The following GAL3ST1 variants were observed in gnomAD, a reference collection of about 807,000 sequenced individuals.
GAL3ST1 encodes galactose-3-O-sulfotransferase 1.
GAL3ST1 carries 13 observed loss-of-function variants against 25.0 expected under a neutral mutation model. The ratio of observed to expected loss-of-function variants is 0.52; its 90% confidence interval spans 0.34 to 0.83. The LOEUF (loss-of-function observed/expected upper bound fraction) is 0.83. GAL3ST1 is among the 40% of genes least tolerant of loss of function. The probability of loss-of-function intolerance (pLI) is 0.02; values close to 1 mark genes in which losing one functional copy is unlikely to be tolerated. For missense variants in GAL3ST1, 474 were observed against 613.6 expected (o/e 0.77, Z 2.40); for synonymous variants, 274 against 277.8 (o/e 0.99, Z 0.14).
intron 3 of GAL3ST1, 66 bp from the exon 4 acceptor site, chr22:30,556,159 T>TA (rs1447547387): frequency 7.9e-7 from 1 of 1,272,310 alleles, no homozygotes; most frequent in East Asian, 2.3e-5. Context: ...CTCTGGTAGT[T>TA]AGAGAGGGAG....
At chr22:30,562,496 G>C (rs559251684) in intron 1 of GAL3ST1, among the ~76,000 whole-genome samples, 1 of 152,242 alleles carries the variant, frequency 6.6e-6, no homozygotes, top group South Asian at 2.1e-4. Flanking sequence ...GATAATGCAC[G>C]TACCCAGGAG....
chr22:30,558,146 A>C (rs940849911), intron 2 of GAL3ST1, 133 bp downstream of exon 2: 2 of 151,850 alleles, frequency 1.3e-5, no homozygotes, highest in Admixed American at 6.5e-5. Context: ...CACACCTGTC[A>C]TCCCAGCACT....
At chr22:30,572,822 G>A (rs1047552088) in intron 1 of GAL3ST1, 1 of 152,294 alleles carries the variant, frequency 6.6e-6, no homozygotes, top group African/African-American at 2.4e-5. Context: ...GTGAAGCAAG[G>A]AGCCCTTCAG....
Position 30,555,115 on chromosome 22 carries a change from G to A in GAL3ST1, c.1110C>T (p.Thr370=). Residue 370 remains threonine (T), a synonymous_variant, in exon 4 of 4, where the codon ACC becomes ACT. Transcript: ENST00000406361. The surrounding 1 kb of genome is among the most constrained non-coding windows in gnomAD (Gnocchi z 8.6). ...TGAGGTTGTAGCCCAGGATGGACTTGGTGCCCAGCGGCTGCCAGGGCTGCA... is the reference window on the plus strand; with the variant it reads ...TGAGGTTGTAGCCCAGGATGGACTTAGTGCCCAGCGGCTGCCAGGGCTGCA... ...EAMQPWQPLG[T]KSILGYNLKK... 6.2e-7 allele frequency: 1 copy of A among 1,611,872 alleles called. No homozygotes were observed. The highest frequency in any genetic ancestry group is 1.1e-5 in the South Asian group (1 of 91,066).
chr22:30,568,323 C>T (rs781567886), intron 1 of GAL3ST1, among the ~76,000 whole-genome samples: 1 of 152,196 alleles, frequency 6.6e-6, no homozygotes, highest in Non-Finnish European at 1.5e-5. Flanking sequence ...ATTTCCCATG[C>T]GCCCTTGCAG....
chr22:30,556,234 T>A, intron 3 of GAL3ST1, 141 bp from the exon 4 acceptor site: 1 of 690,292 alleles, frequency 1.4e-6, no homozygotes, highest in Non-Finnish European at 2.4e-6. Flanking sequence ...GAGTCCAGGC[T>A]GGGTGCCTGC....
intron 1 of GAL3ST1, among the ~76,000 whole-genome samples, chr22:30,562,876 G>A (rs2086484889): frequency 1.3e-5 from 2 of 152,308 alleles, no homozygotes; most frequent in East Asian, 1.9e-4. Context: ...CAGCACTTTG[G>A]GAGGCCGAGA....
intron 1 of GAL3ST1, chr22:30,572,695 T>G (rs2086818754): frequency 6.6e-6 from 1 of 152,262 alleles, no homozygotes; most frequent in Non-Finnish European, 1.5e-5. Flanking sequence ...ACCTGGAGAT[T>G]CCAGCAGTCC....
At chr22:30,556,283 T>A (rs571391436) in intron 3 of GAL3ST1, among the ~76,000 whole-genome samples, 190 bp from the exon 4 acceptor site, 1 of 152,142 alleles carries the variant, frequency 6.6e-6, no homozygotes, top group African/African-American at 2.4e-5. Flanking sequence ...GTTCCTCTTC[T>A]GTGAAATGGG....
At position 30,556,083 on chromosome 22, in the gene GAL3ST1, C is replaced by T. The variant is rs751940707; in HGVS notation, c.142G>A (p.Ala48Thr). Residue 48 changes from alanine (A) to threonine (T), a missense_variant, in exon 4 of 4, where the codon GCC becomes ACC. Physicochemically the swap from Ala to Thr is moderately conservative, Grantham distance 58. This residue lies in a region of GAL3ST1 where 115 missense variants were observed against 109.2 expected (regional missense o/e 1.05). Transcript: ENST00000406361. The stretch of plus-strand genomic sequence containing the variant: ...GCAGGTGGAGAGCAGGACGCTGCGG[C>T]CTCCGGGGTCCTGCTGGGGACAGAG... ...HAGLASTTPE[A>T]AASCSPPALE... The T allele has an allele frequency of 1.6e-5, 26 of 1,602,088 alleles. No individual in the cohort carries two copies. The South Asian group carries it at 1.7e-4, about 10-fold the overall frequency.
intron 3 of GAL3ST1, among the ~76,000 whole-genome samples, chr22:30,556,462 T>C (rs1444611760): frequency 2.0e-5 from 3 of 152,170 alleles, no homozygotes; most frequent in Non-Finnish European, 4.4e-5. Context: ...TGCAGTTTCC[T>C]CTGTGTCAAG....
At position 30,555,764 on chromosome 22, in the gene GAL3ST1, G is replaced by A. The variant is rs770474761; in HGVS notation, c.461C>T (p.Pro154Leu). ...CACCGTGATGAAGATGGCGTTGGTC[G>A]GCACCAGGCCGCGCACCTCGTCGTA... ...FHYDEVRGLV[P>L]TNAIFITVLR... The change falls in exon 4 of 4, where the codon CCG (proline) becomes CTG (leucine). Residue 154 changes from proline (P) to leucine (L), a missense_variant. By Grantham distance (98) the Pro-to-Leu change is moderately conservative. Transcript: ENST00000406361. The surrounding 1 kb of genome is among the most constrained non-coding windows in gnomAD (Gnocchi z 8.6). 1.2e-6 allele frequency: 2 copies of A among 1,614,140 alleles called. No homozygotes were observed. Among genetic ancestry groups the A allele is most frequent in the East Asian group, 2.2e-5 (1 of 44,874 alleles).
chr22:30,556,047 C>CTG lies in GAL3ST1; in HGVS notation c.176_177dup (p.Glu60GlnfsTer4). 6.2e-7 allele frequency: 1 copy of CTG among 1,612,254 alleles called. No homozygotes were observed. Among genetic ancestry groups the CTG allele is most frequent in the Non-Finnish European group, 8.5e-7 (1 of 1,179,870 alleles). ...GAGCCGTTGGCCCGGATCACTGCCTCTGGCTCGAGTGCAGGTGGAGAGCAG... is the reference window on the plus strand; with the variant it reads ...GAGCCGTTGGCCCGGATCACTGCCTCTGTGGCTCGAGTGCAGGTGGAGAGCAG... On this transcript the variant is annotated frameshift_variant, in exon 4 of 4. Transcript: ENST00000406361. LOFTEE classifies it high-confidence loss of function.
intron 1 of GAL3ST1, among the ~76,000 whole-genome samples, chr22:30,562,715 C>T (rs1327857276): frequency 2.0e-5 from 3 of 152,242 alleles, no homozygotes; most frequent in East Asian, 3.9e-4. Flanking sequence ...CTATAGAGCC[C>T]GTGCAGAGAA....
At position 30,555,403 on chromosome 22, in the gene GAL3ST1, G is replaced by A. The variant is rs140161518; in HGVS notation, c.822C>T (p.Leu274=). 4 of 1,609,904 alleles carry A rather than the reference G, an allele frequency of 2.5e-6. No homozygotes were observed. In the African/African-American group the frequency reaches 5.3e-5, roughly 21 times the overall value. Residue 274 remains leucine (L), a synonymous_variant, in exon 4 of 4, where the codon CTC becomes CTT. Transcript: ENST00000406361. The surrounding 1 kb of genome is among the most constrained non-coding windows in gnomAD (Gnocchi z 8.6). The part of the protein sequence containing the change: ...DLLCWELEDV[L]YFKLNARRDS... ...CGCGGCGGGCGTTGAGCTTGAAGTA[G>A]AGCACGTCCTCCAGCTCCCAGCACA...
At chr22:30,560,187 T>G (rs965603726) in intron 1 of GAL3ST1, 10 of 152,208 alleles carry the variant, frequency 6.6e-5, no homozygotes, top group African/African-American at 2.4e-4. Flanking sequence ...ATGTGTTAGT[T>G]AATTTGTTAC....
chr22:30,569,045 C>T (rs1398151056), intron 1 of GAL3ST1, among the ~76,000 whole-genome samples: 2 of 145,418 alleles, frequency 1.4e-5, no homozygotes, highest in Non-Finnish European at 1.5e-5. Flanking sequence ...CACTGCACTC[C>T]AGCCTGGGCA....
At chr22:30,572,092 C>T (rs1004837590) in intron 1 of GAL3ST1, among the ~76,000 whole-genome samples, 7 of 152,180 alleles carry the variant, frequency 4.6e-5, no homozygotes, top group African/African-American at 1.7e-4. Flanking sequence ...TAGAGAAGCG[C>T]TAACTGGGGC....
rs1466054678 is a variant in GAL3ST1 at position 30,574,612 on chromosome 22, G to GCCGCGCCCGCTC, written c.-278_-267dup. ...CCCCCGCCCCCGCCGCCGCTGCCGCGCCGCGCCCGCTCCCGCGCCGCGCCC... is the reference window on the plus strand; with the variant it reads ...CCCCCGCCCCCGCCGCCGCTGCCGCGCCGCGCCCGCTCCCGCGCCCGCTCCCGCGCCGCGCCC... On this transcript the variant is annotated 5_prime_UTR_variant, in exon 1 of 4. Coordinates refer to ENST00000406361, the MANE Select transcript of GAL3ST1 (RefSeq NM_001318104.2). 1.5e-5 allele frequency: 2 copies of GCCGCGCCCGCTC among 137,050 alleles called. No individual in the cohort carries two copies. The highest frequency in any genetic ancestry group is 2.7e-5 in the African/African-American group (1 of 36,978). 8.5% of individuals were successfully genotyped at this position (137,050 alleles called of 1,614,324 possible).
Sources: allele counts gnomAD v4.1 joint callset (sites outside exome capture counted in the v4.1 genomes callset), GRCh38; gene constraint gnomAD v4.1.1; regional missense constraint gnomAD v4.1.1; non-coding constraint Gnocchi (gnomAD v3.1); transcripts MANE v1.5; gene names NCBI Gene and HGNC (gene_info 2026-07-23, HGNC 2026-07-21).